Variants in CEP128 observed in about 807,000 individuals in gnomAD.
CEP128 encodes the protein centrosomal protein 128kDa.
A neutral mutation model predicts 156.7 loss-of-function variants in CEP128; 132 were observed. That is an observed-to-expected ratio of 0.84 (90% confidence interval 0.73 to 0.97). The LOEUF (loss-of-function observed/expected upper bound fraction) is 0.97, where lower values mean the gene tolerates loss of function less well. Among genes scored for constraint, CEP128 ranks in the 50% least tolerant of loss-of-function variants. The pLI is 0.00. For synonymous variants in CEP128, 469 were observed against 448.9 expected (o/e 1.04, Z -0.57); for missense variants, 1,252 against 1,281.9 (o/e 0.98, Z 0.36).
intron 9 of CEP128, among the ~76,000 whole-genome samples, chr14:80,841,538 A>C (rs551338328): frequency 7.9e-4 from 121 of 152,202 alleles, no homozygotes; most frequent in African/African-American, 2.7e-3. Flanking sequence ...TCATGCTTTT[A>C]TAGTGTTTAG....
chr14:80,846,986 A>C (rs1460032893), intron 9 of CEP128, among the ~76,000 whole-genome samples: 1 of 152,214 alleles, frequency 6.6e-6, no homozygotes, highest in Non-Finnish European at 1.5e-5. Flanking sequence ...CCAGAAAGAT[A>C]ATATAGCTTG....
chr14:80,607,324 AAG>A (rs1892824234), intron 19 of CEP128, among the ~76,000 whole-genome samples: 1 of 152,154 alleles, frequency 6.6e-6, no homozygotes, highest in African/African-American at 2.4e-5. Flanking sequence ...TACACAAAAA[AAG>A]AGAGAGGAAG....
chr14:80,909,718 T>G (rs1884097609), intron 4 of CEP128, among the ~76,000 whole-genome samples: 1 of 152,184 alleles, frequency 6.6e-6, no homozygotes, highest in East Asian at 1.9e-4. Context: ...ATCTACACTT[T>G]AAGTAGTCAC....
intron 19 of CEP128, among the ~76,000 whole-genome samples, chr14:80,738,763 T>C (rs1595319462): frequency 6.6e-6 from 1 of 152,328 alleles, no homozygotes; most frequent in South Asian, 2.1e-4. Context: ...CATAGGTTTG[T>C]ATGTATAGGA....
At chr14:80,547,932 G>A (rs2140330140) in intron 21 of CEP128, among the ~76,000 whole-genome samples, 1 of 151,980 alleles carries the variant, frequency 6.6e-6, no homozygotes, top group South Asian at 2.1e-4. Context: ...CCAAGTAGCT[G>A]GAATTACAGG....
chr14:80,837,521 T>C (rs552088186), intron 11 of CEP128, among the ~76,000 whole-genome samples: 1 of 152,122 alleles, frequency 6.6e-6, no homozygotes, highest in East Asian at 1.9e-4. Flanking sequence ...ATCGAGAACA[T>C]CCTGGCCAAC....
intron 14 of CEP128, among the ~76,000 whole-genome samples, chr14:80,791,354 A>T (rs1217871392): frequency 2.6e-5 from 4 of 152,210 alleles, no homozygotes; most frequent in Non-Finnish European, 4.4e-5. Context: ...TGATAAAAAT[A>T]ATTGGAAGTA....
rs202223743 is a variant in CEP128 at position 80,738,713 on chromosome 14, TTAA to T, written c.2806+4359_2806+4361del. On this transcript the variant is annotated intron_variant, in intron 19 of 24. Transcript: ENST00000555265. ...AATTGTTCTATTTTATTAATTATTATTAATGTTTTATTGTTTATAATTTATAAA... is the reference window on the plus strand; with the variant it reads ...AATTGTTCTATTTTATTAATTATTATTGTTTTATTGTTTATAATTTATAAA... 6.1e-3 allele frequency among the ~76,000 whole-genome samples: 924 copies of T among 152,234 alleles called. 13 individuals are homozygous for T. Among genetic ancestry groups the T allele is most frequent in the South Asian group, 0.031 (147 of 4,818 alleles).
intron 19 of CEP128, among the ~76,000 whole-genome samples, chr14:80,742,102 T>C (rs190282641): frequency 1.3e-5 from 2 of 152,204 alleles, no homozygotes; most frequent in African/African-American, 4.8e-5. Flanking sequence ...GGTAGCAGAT[T>C]AAAGTGTTCA....
At position 80,862,746 on chromosome 14, in the gene CEP128, T is replaced by A. The variant is rs1255569277; in HGVS notation, c.762+11A>T. On this transcript the variant is annotated intron_variant, in intron 9 of 24. Transcript: ENST00000555265. ...CAAGATTTACATTCCATGAAAGTGTTTTTCACAAACCTCCTGTAGCTGCAG... is the reference window on the plus strand; with the variant it reads ...CAAGATTTACATTCCATGAAAGTGTATTTCACAAACCTCCTGTAGCTGCAG... 3 of 1,563,748 alleles carry A rather than the reference T, an allele frequency of 1.9e-6. No individual in the cohort carries two copies. The highest frequency in any genetic ancestry group is 2.6e-6 in the Non-Finnish European group (3 of 1,135,092).
At chr14:80,846,007 G>A (rs1056608237) in intron 9 of CEP128, among the ~76,000 whole-genome samples, 1 of 152,148 alleles carries the variant, frequency 6.6e-6, no homozygotes, top group Non-Finnish European at 1.5e-5. Context: ...AGGGGCAGCA[G>A]ACATTTTTCA....
intron 19 of CEP128, among the ~76,000 whole-genome samples, chr14:80,686,790 A>C (rs548752027): frequency 2.0e-5 from 3 of 152,086 alleles, no homozygotes; most frequent in Admixed American, 1.3e-4. Context: ...GTTTCTGACA[A>C]AACAACCAAC....
intron 13 of CEP128, among the ~76,000 whole-genome samples, chr14:80,827,614 C>T (rs1409775309): frequency 1.3e-5 from 2 of 152,194 alleles, no homozygotes; most frequent in African/African-American, 2.4e-5. Context: ...TGTACAGTAT[C>T]TCTGGTTGTA....
intron 19 of CEP128, among the ~76,000 whole-genome samples, chr14:80,692,867 C>CT (rs1454588240): frequency 6.6e-6 from 1 of 152,200 alleles, no homozygotes; most frequent in Non-Finnish European, 1.5e-5. Flanking sequence ...TCCCCTGAAT[C>CT]TGTTTTACAC....
intron 19 of CEP128, among the ~76,000 whole-genome samples, chr14:80,592,435 C>T (rs565699606): frequency 6.6e-6 from 1 of 152,266 alleles, no homozygotes; most frequent in South Asian, 2.1e-4. Context: ...CACATACACC[C>T]TCCCAAGACT....
At chr14:80,858,029 G>A (rs1887291657) in intron 9 of CEP128, among the ~76,000 whole-genome samples, 1 of 152,054 alleles carries the variant, frequency 6.6e-6, no homozygotes, top group South Asian at 2.1e-4. Context: ...TTTCTTCACA[G>A]AATTGGAAAA....
At chr14:80,657,596 A>G (rs1045741868) in intron 19 of CEP128, among the ~76,000 whole-genome samples, 1 of 152,002 alleles carries the variant, frequency 6.6e-6, no homozygotes, top group African/African-American at 2.4e-5. Context: ...GGTCATGGCG[A>G]GCAGAAATCA....
intron 19 of CEP128, among the ~76,000 whole-genome samples, chr14:80,737,460 G>T (rs1898595637): frequency 6.6e-6 from 1 of 151,738 alleles, no homozygotes; most frequent in African/African-American, 2.4e-5. Flanking sequence ...AAAAGAAGGG[G>T]TAACTTCATG....
chr14:80,825,580 A>G (rs1401664583), intron 13 of CEP128, among the ~76,000 whole-genome samples: 3 of 152,202 alleles, frequency 2.0e-5, no homozygotes, highest in Non-Finnish European at 2.9e-5. Context: ...ATAAATACAA[A>G]CTAATTAGTA....
Sources: gnomAD v4.1 joint callset for allele counts (sites outside exome capture counted in the v4.1 genomes callset) on GRCh38, gnomAD v4.1.1 for gene constraint, MANE v1.5 for transcripts, NCBI Gene and HGNC (gene_info 2026-07-23, HGNC 2026-07-21) for gene names.